PELO: variants seen among roughly 807,000 people sequenced by gnomAD.
PELO encodes the protein protein pelota homolog.
A neutral mutation model predicts 25.9 loss-of-function variants in PELO; 19 were observed. The observed-to-expected ratio is 0.73, with a 90% CI of 0.51 to 1.08. The LOEUF is 1.08. PELO is among the 50% of genes least tolerant of loss of function. The pLI is 0.00. For missense variants in PELO, 498 were observed against 491.4 expected, an observed-to-expected ratio of 1.01 and a Z score of -0.13; for synonymous variants, 196 against 192.2, an observed-to-expected ratio of 1.02 and a Z score of -0.16.
At chr5:52,789,517 G>A (rs1206827749) in intron 1 of PELO, among the ~76,000 whole-genome samples, 1 of 152,202 alleles carries the variant, frequency 6.6e-6, no homozygotes, top group Non-Finnish European at 1.5e-5. Flanking sequence ...AGCAAGCAGA[G>A]CTTTTTTCAG....
intron 1 of PELO, among the ~76,000 whole-genome samples, chr5:52,797,914 C>T (rs1355348538): frequency 6.6e-6 from 1 of 152,148 alleles, no homozygotes; most frequent in Non-Finnish European, 1.5e-5. Context: ...TGTGTGCTTA[C>T]CACTGTGATT....
chr5:52,801,379 T>C (rs1346480563), intron 2 of PELO, 30 bp from the exon 3 acceptor site: 3 of 1,566,646 alleles, frequency 1.9e-6, no homozygotes, highest in Non-Finnish European at 2.6e-6. Flanking sequence ...AGGAGATTAT[T>C]TTGCCTAACT....
chr5:52,801,681 G>T lies in PELO; in HGVS notation c.999G>T (p.Val333=). 1 of 1,614,154 alleles carries T rather than the reference G, an allele frequency of 6.2e-7. No individual in the cohort carries two copies. The part of the protein sequence containing the change: ...VATRSRYVRL[V]DSVKENAGTV... ...CACGGAGCCGGTATGTGAGGCTGGT[G>T]GACAGTGTGAAAGAGAATGCAGGCA... The change falls in exon 3 of 3, where the codon GTG becomes GTT. Residue 333 remains valine, a synonymous_variant. Coordinates refer to ENST00000274311, the MANE Select transcript of PELO (RefSeq NM_015946.5).
intron 1 of PELO, among the ~76,000 whole-genome samples, chr5:52,796,781 T>C (rs1748350975): frequency 6.6e-6 from 1 of 152,082 alleles, no homozygotes; most frequent in Admixed American, 6.5e-5. Context: ...AAAAGATACA[T>C]GTTTAAATTA....
Position 52,803,868 on chromosome 5 carries a change from A to T in PELO, c.*2028A>T, listed in dbSNP as rs1489983662. The T allele has an allele frequency of 6.6e-6, 1 of 152,210 alleles. No individual in the cohort carries two copies. Among genetic ancestry groups the T allele is most frequent in the African/African-American group, 2.4e-5 (1 of 41,450 alleles). 9.4% of individuals were successfully genotyped at this position (152,210 alleles called of 1,614,324 possible). A position where few individuals can be genotyped will look rare whatever the true frequency, so the allele number is the denominator to read the frequency against. ...ATCTGATAAACAAAGGCAATAGGTTATTCTTCCTGTGCTGGTAAATCTCTG... is the reference window on the plus strand; with the variant it reads ...ATCTGATAAACAAAGGCAATAGGTTTTTCTTCCTGTGCTGGTAAATCTCTG... On this transcript the variant is annotated 3_prime_UTR_variant, in exon 3 of 3. Coordinates refer to ENST00000274311, the MANE Select transcript of PELO (RefSeq NM_015946.5).
rs760980313 is a variant in PELO at position 52,801,640 on chromosome 5, C to T, written c.958C>T (p.His320Tyr). The T allele has an allele frequency of 6.2e-7, 1 of 1,614,096 alleles. No individual in the cohort carries two copies. Among genetic ancestry groups the T allele is most frequent in the South Asian group, 1.1e-5 (1 of 91,082 alleles). Residue 320 changes from histidine (H) to tyrosine (Y), a missense_variant, in exon 3 of 3, where the codon CAT becomes TAT. Transcript: ENST00000274311. ...TLLISDELFR[H>Y]QDVATRSRYV... ...GCTCATCAGCGATGAGCTCTTCAGG[C>T]ATCAGGATGTAGCCACACGGAGCCG...
chr5:52,794,798 A>G (rs1181714639), intron 1 of PELO, among the ~76,000 whole-genome samples: 1 of 151,982 alleles, frequency 6.6e-6, no homozygotes, highest in East Asian at 1.9e-4. Flanking sequence ...AGGTTTGCAC[A>G]TTCTCTCTAA....
intron 1 of PELO, among the ~76,000 whole-genome samples, chr5:52,795,489 C>G (rs1748323107): frequency 6.6e-6 from 1 of 151,820 alleles, no homozygotes; most frequent in African/African-American, 2.4e-5. Context: ...TCATGTCATA[C>G]AAACCATTTC....
chr5:52,800,576 T>C lies in PELO; in HGVS notation c.182T>C (p.Val61Ala), dbSNP rs1326675266. 18 of 1,613,442 alleles carry C rather than the reference T, an allele frequency of 1.1e-5. No individual in the cohort carries two copies. The highest frequency in any genetic ancestry group is 2.7e-5 in the African/African-American group (2 of 74,922). Residue 61 changes from valine (V) to alanine (A), a missense_variant, in exon 2 of 3, where the codon GTC becomes GCC. Physicochemically the swap from Val to Ala is moderately conservative, Grantham distance 64 (BLOSUM62 0). Coordinates refer to ENST00000274311, the MANE Select transcript of PELO (RefSeq NM_015946.5). ...ACGGGCAGCGTGGGCAGCAACCGGGTCCGCACTACCCTCACTCTCTGCGTG... is the reference window on the plus strand; with the variant it reads ...ACGGGCAGCGTGGGCAGCAACCGGGCCCGCACTACCCTCACTCTCTGCGTG... ...SSTGSVGSNR[V>A]RTTLTLCVEA... is the part of the protein sequence containing the mutation.
At position 52,788,331 on chromosome 5, in the gene PELO, C is replaced by T. The variant is rs1209892472; in HGVS notation, c.-594C>T. The T allele has an allele frequency of 6.7e-7, 1 of 1,494,890 alleles. No homozygotes were observed. Among genetic ancestry groups the T allele is most frequent in the South Asian group, 1.2e-5 (1 of 80,054 alleles). 92.6% of individuals were successfully genotyped at this position (1,494,890 alleles called of 1,614,324 possible). On this transcript the variant is annotated 5_prime_UTR_variant, in exon 1 of 3. Coordinates refer to ENST00000274311, the MANE Select transcript of PELO (RefSeq NM_015946.5). ...CTGCCCTGCGAACCAGCGCGGCCCCCTGGCGCTGAGGCTGCTCCGGCCATG... is the reference window on the plus strand; with the variant it reads ...CTGCCCTGCGAACCAGCGCGGCCCCTTGGCGCTGAGGCTGCTCCGGCCATG...
chr5:52,802,724 C>T lies in PELO; in HGVS notation c.*884C>T, dbSNP rs1748514091. On this transcript the variant is annotated 3_prime_UTR_variant, in exon 3 of 3. Transcript: ENST00000274311. ...TTGCTTGTCAAAGTTATACTTAATTCTGTTTTATATTTGTATGTGGCATTA... is the reference window on the plus strand; with the variant it reads ...TTGCTTGTCAAAGTTATACTTAATTTTGTTTTATATTTGTATGTGGCATTA... 3 of 151,988 alleles carry T rather than the reference C, an allele frequency of 2.0e-5. No individual in the cohort carries two copies. Among genetic ancestry groups the T allele is most frequent in the Admixed American group, 1.3e-4 (2 of 15,256 alleles). 9.4% of individuals were successfully genotyped at this position (151,988 alleles called of 1,614,324 possible).
intron 1 of PELO, among the ~76,000 whole-genome samples, chr5:52,789,726 T>A (rs1388673275): frequency 3.3e-5 from 5 of 152,210 alleles, no homozygotes; most frequent in Non-Finnish European, 7.3e-5. Flanking sequence ...AACTCAAATT[T>A]TTTTAGATTG....
chr5:52,794,257 G>A (rs1276951202), intron 1 of PELO, among the ~76,000 whole-genome samples: 8 of 151,036 alleles, frequency 5.3e-5, no homozygotes, highest in Admixed American at 5.3e-4. Flanking sequence ...TAGCACCTAA[G>A]TCACTTTAAA....
At chr5:52,790,281 T>C (rs1407952695) in intron 1 of PELO, among the ~76,000 whole-genome samples, 2 of 152,220 alleles carry the variant, frequency 1.3e-5, no homozygotes, top group Non-Finnish European at 2.9e-5. Flanking sequence ...TTGTTGCCTT[T>C]AAGATAAAAT....
chr5:52,796,007 A>G (rs1333791803), intron 1 of PELO, among the ~76,000 whole-genome samples: 1 of 152,008 alleles, frequency 6.6e-6, no homozygotes, highest in Non-Finnish European at 1.5e-5. Context: ...TCAGATTTGA[A>G]AGATAGCACG....
At chr5:52,801,181 C>G (rs1400236595) in intron 2 of PELO, 61 bp downstream of exon 2, 2 of 1,469,708 alleles carry the variant, frequency 1.4e-6, no homozygotes, top group East Asian at 4.6e-5. Flanking sequence ...TAAACTACTC[C>G]TAAAGTTTTA....
Position 52,801,899 on chromosome 5 carries a change from T to C in PELO, c.*59T>C. 7.7e-7 allele frequency: 1 copy of C among 1,300,402 alleles called. No homozygotes were observed. The highest frequency in any genetic ancestry group is 2.3e-5 in the East Asian group (1 of 42,710). 80.6% of individuals were successfully genotyped at this position (1,300,402 alleles called of 1,614,324 possible). On this transcript the variant is annotated 3_prime_UTR_variant, in exon 3 of 3. Transcript: ENST00000274311. ...TTCCTAAACTGTTACAGTACATTTC[T>C]CAGCATCCTTGTGACAGAAAGCTGC... is the stretch of plus-strand genomic sequence containing the variant.
rs1748541252 is a variant in PELO, at chr5:52,803,964, A to G, written c.*2124A>G. 1 of 152,206 alleles carries G rather than the reference A, an allele frequency of 6.6e-6. No homozygotes were observed. Among genetic ancestry groups the G allele is most frequent in the South Asian group, 2.1e-4 (1 of 4,832 alleles). 9.4% of individuals were successfully genotyped at this position (152,206 alleles called of 1,614,324 possible). The stretch of plus-strand genomic sequence containing the variant: ...CAAAAAAGTTAACTGGCCATACTCA[A>G]CTGTCTATAAAACCTCTATAAATTT... On this transcript the variant is annotated 3_prime_UTR_variant, in exon 3 of 3. Coordinates refer to ENST00000274311, the MANE Select transcript of PELO (RefSeq NM_015946.5).
intron 1 of PELO, among the ~76,000 whole-genome samples, chr5:52,792,079 G>A (rs550236622): frequency 6.6e-6 from 1 of 152,276 alleles, no homozygotes; most frequent in East Asian, 1.9e-4. Context: ...ATTTTTAGGT[G>A]TACAGCATTA....
Sources: allele counts gnomAD v4.1 joint callset (sites outside exome capture counted in the v4.1 genomes callset), GRCh38; gene constraint gnomAD v4.1.1; transcripts MANE v1.5; gene names NCBI Gene and HGNC (gene_info 2026-07-23, HGNC 2026-07-21).